The following LDB1 variants were observed in gnomAD, a reference collection of about 807,000 sequenced individuals.
The protein encoded by LDB1 is LIM domain-binding protein 1.
Under a neutral mutation model 49.7 loss-of-function variants are expected in LDB1, and 6 were observed. That is an observed-to-expected ratio of 0.12 (90% CI 0.07 to 0.24). The LOEUF (loss-of-function observed/expected upper bound fraction) is 0.24. Among genes scored for constraint, LDB1 ranks in the 10% least tolerant of loss-of-function variants. The pLI is 1.00. For missense variants in LDB1, 341 were observed against 561.7 expected (o/e 0.61, Z 3.97); for synonymous variants, 233 against 202.0 (o/e 1.15, Z -1.30).
chr10:102,119,252 C>A (rs529607359), intron 1 of LDB1, among the ~76,000 whole-genome samples: 1 of 152,084 alleles, frequency 6.6e-6, no homozygotes, highest in Non-Finnish European at 1.5e-5. Flanking sequence ...CCTCTCCAGT[C>A]GCATGGCTTC....
chr10:102,104,446 G>A (rs2068139374), downstream of LDB1, among the ~76,000 whole-genome samples: 1 of 152,108 alleles, frequency 6.6e-6, no homozygotes, highest in Admixed American at 6.5e-5. Flanking sequence ...CTTCAGCAAT[G>A]TGCTAAGGCT....
rs1564913458 is a variant in LDB1, at chr10:102,111,427, CACTT to C, written c.128+3_128+6del. The C allele has an allele frequency of 6.3e-7, 1 of 1,594,232 alleles. No individual in the cohort carries two copies. Among genetic ancestry groups the C allele is most frequent in the Non-Finnish European group, 8.6e-7 (1 of 1,167,852 alleles). On this transcript the variant is annotated splice_donor_5th_base_variant and intron_variant, in intron 2 of 10. Transcript: ENST00000673968. The stretch of plus-strand genomic sequence containing the variant: ...AGGGTTAGGAAGTGGCCAAGAGACT[CACTT>C]ACCCCACATCCCTATCCAGCATGGT...
rs773830263 is a variant in LDB1, at chr10:102,110,945, T to G, written c.276A>C (p.Ala92=). 2 of 1,614,128 alleles carry G rather than the reference T, an allele frequency of 1.2e-6. No homozygotes were observed. The highest frequency in any genetic ancestry group is 8.5e-7 in the Non-Finnish European group (1 of 1,179,984). The change falls in exon 5 of 11, where the codon GCA becomes GCC. Residue 92 remains alanine, a synonymous_variant. Coordinates refer to ENST00000673968, the MANE Select transcript of LDB1 (RefSeq NM_001113407.3). The part of the protein sequence containing the change: ...TEECDNLWWD[A]FTTEFFEDDA... ...CATCCTCAAAGAACTCAGTCGTGAA[T>G]GCATCCCACCAGAGATTGTCACACT...
chr10:102,111,607 C>A, intron 1 of LDB1, 71 bp from the exon 2 acceptor site: 1 of 871,204 alleles, frequency 1.1e-6, no homozygotes, highest in East Asian at 2.7e-5. Context: ...TTTGGGAGTC[C>A]AAGGCAAGAA....
intron 1 of LDB1, among the ~76,000 whole-genome samples, chr10:102,112,594 G>A (rs2068271307): frequency 6.7e-6 from 1 of 148,924 alleles, no homozygotes; most frequent in African/African-American, 2.5e-5. Flanking sequence ...TATCAGCCCA[G>A]CCCCCACCCC....
Position 102,109,837 on chromosome 10 carries a change from A to T in LDB1, c.648+84T>A. On this transcript the variant is annotated intron_variant, in intron 7 of 10. Coordinates refer to ENST00000673968, the MANE Select transcript of LDB1 (RefSeq NM_001113407.3). The surrounding 1 kb of genome is among the most constrained non-coding windows in gnomAD (Gnocchi z 5.8). The stretch of plus-strand genomic sequence containing the variant: ...AGAAACCCTAACCCTCTGTCTAAGT[A>T]GTCAGTCGGGAAATGGCAGACCTTG... 6.3e-7 allele frequency: 1 copy of T among 1,574,888 alleles called. No homozygotes were observed. Among genetic ancestry groups the T allele is most frequent in the Non-Finnish European group, 8.7e-7 (1 of 1,155,266 alleles).
At position 102,106,541 on chromosome 10, in the gene LDB1, C is replaced by CAAAAAAAAAAAAAAA. The variant is rs558516308; in HGVS notation, c.*1537_*1551dup. Among the ~76,000 whole-genome samples, 2 of 17,784 alleles carry CAAAAAAAAAAAAAAA rather than the reference C, an allele frequency of 1.1e-4. 1 individual carries two copies. Among genetic ancestry groups the CAAAAAAAAAAAAAAA allele is most frequent in the Non-Finnish European group, 2.1e-4 (2 of 9,522 alleles). 11.7% of individuals were successfully genotyped at this position (17,784 alleles called of 152,430 possible). ...GGTACCATACATGACTCAAATGGCCCAAAAAAAAAAAAAAAAAAAAAAAAA... is the reference window on the plus strand; with the variant it reads ...GGTACCATACATGACTCAAATGGCCCAAAAAAAAAAAAAAAAAAAAAAAAAAAAAAAAAAAAAAAA... On this transcript the variant is annotated 3_prime_UTR_variant, in exon 11 of 11. Coordinates refer to ENST00000673968, the MANE Select transcript of LDB1 (RefSeq NM_001113407.3).
Position 102,110,655 on chromosome 10 carries a change from C to A in LDB1, c.399G>T (p.Glu133Asp), listed in dbSNP as rs199713070. Residue 133 changes from glutamate to aspartate, a missense_variant, in exon 6 of 11, where the codon GAG becomes GAT. This residue lies in a region of LDB1 where 233 missense variants were observed against 385.7 expected (regional missense o/e 0.60). Coordinates refer to ENST00000673968, the MANE Select transcript of LDB1 (RefSeq NM_001113407.3). ...CATAGTACAGCTCCGTAGCACCCCC[C>A]TCAAAGATGCTGCGGAAGTAGCGTG... ...LIPRYFRSIF[E>D]GGATELYYVL... 3.3e-4 allele frequency: 537 copies of A among 1,613,894 alleles called. 8 individuals are homozygous for A. In the South Asian group the frequency reaches 5.3e-3, roughly 16 times the overall value.
downstream of LDB1, among the ~76,000 whole-genome samples, chr10:102,104,100 G>A (rs1405365035): frequency 6.6e-6 from 1 of 151,850 alleles, no homozygotes; most frequent in East Asian, 1.9e-4. Flanking sequence ...CTGGGCTAAG[G>A]GTATAAAAGA....
chr10:102,107,569 T>TA lies in LDB1; in HGVS notation c.*523dup, dbSNP rs2068181198. 1 of 153,570 alleles carries TA rather than the reference T, an allele frequency of 6.5e-6. No individual in the cohort carries two copies. Among genetic ancestry groups the TA allele is most frequent in the Non-Finnish European group, 1.4e-5 (1 of 69,026 alleles). 9.5% of individuals were successfully genotyped at this position (153,570 alleles called of 1,614,324 possible). A position where few individuals can be genotyped will look rare whatever the true frequency, so the allele number is the denominator to read the frequency against. On this transcript the variant is annotated 3_prime_UTR_variant, in exon 11 of 11. Coordinates refer to ENST00000673968, the MANE Select transcript of LDB1 (RefSeq NM_001113407.3). ...GGGGGGACATGAGTGATTTTTTTTTTAACTTACATTTTTAATAATATTATT... is the reference window on the plus strand; with the variant it reads ...GGGGGGACATGAGTGATTTTTTTTTTAAACTTACATTTTTAATAATATTATT...
At chr10:102,114,812 G>GGGGGCCCCCCCC in intron 1 of LDB1, 242 of 929,654 alleles carry the variant, frequency 2.6e-4, no homozygotes, top group Non-Finnish European at 2.8e-4. Flanking sequence ...CCTCCGAGCA[G>GGGGGCCCCCCCC]CCCGCCCGCC....
intron 5 of LDB1, 24 bp from the exon 6 acceptor site, chr10:102,110,725 C>T (rs1219207319): frequency 2.5e-6 from 4 of 1,606,966 alleles, no homozygotes; most frequent in Non-Finnish European, 3.4e-6. Context: ...ACAAACTCTT[C>T]AGGACAAAGG....
In LDB1 at chr10:102,108,207, G is replaced by C; in HGVS notation, c.1122C>G (p.Asp374Glu). The C allele has an allele frequency of 6.2e-7, 1 of 1,614,022 alleles. No homozygotes were observed. The highest frequency in any genetic ancestry group is 8.5e-7 in the Non-Finnish European group (1 of 1,179,946). Reference sequence around the variant, plus strand: ...CAGGGGAGTTGTTAAAGCTGTCCTCGTCGTCAATGCCGTTGGCTGCGTCAA... The same window carrying C: ...CAGGGGAGTTGTTAAAGCTGTCCTCCTCGTCAATGCCGTTGGCTGCGTCAA... ...TQFDAANGIDDEDSFNNSPAL... is the reference protein window; with the variant it reads ...TQFDAANGIDEEDSFNNSPAL... The change falls in exon 11 of 11, where the codon GAC becomes GAG. Residue 374 changes from aspartate to glutamate, a missense_variant. Asp to Glu is a conservative substitution (Grantham distance 45). Coordinates refer to ENST00000673968, the MANE Select transcript of LDB1 (RefSeq NM_001113407.3).
chr10:102,102,932 G>A (rs2068130523), downstream of LDB1, among the ~76,000 whole-genome samples: 1 of 152,162 alleles, frequency 6.6e-6, no homozygotes, highest in African/African-American at 2.4e-5. Flanking sequence ...CTGCCAAGTA[G>A]CTGGGACTAT....
At chr10:102,108,952 G>A in intron 10 of LDB1, 77 bp downstream of exon 10, 1 of 1,579,886 alleles carries the variant, frequency 6.3e-7, no homozygotes, top group South Asian at 1.1e-5. Flanking sequence ...ACGCCTGCTA[G>A]TGAGCTCAGG....
chr10:102,106,396 G>A (rs2133493737), downstream of LDB1, among the ~76,000 whole-genome samples: 2 of 151,624 alleles, frequency 1.3e-5, no homozygotes, highest in South Asian at 4.2e-4. Context: ...TGAGTGAAGG[G>A]ATCCAATTCA....
chr10:102,106,354 A>T (rs1007365245), downstream of LDB1, among the ~76,000 whole-genome samples: 21 of 151,766 alleles, frequency 1.4e-4, no homozygotes, highest in Non-Finnish European at 2.5e-4. Flanking sequence ...TAATTCAGGG[A>T]AACAACTTCA....
intron 1 of LDB1, among the ~76,000 whole-genome samples, chr10:102,112,730 C>T (rs1018834377): frequency 6.6e-6 from 1 of 152,090 alleles, no homozygotes; most frequent in Admixed American, 6.5e-5. Context: ...ACTCTACCTA[C>T]AATTGAGAAG....
Position 102,108,210 on chromosome 10 carries a change from G to A in LDB1, c.1119C>T (p.Asp373=), listed in dbSNP as rs771823736. Reference sequence around the variant, plus strand: ...GGGAGTTGTTAAAGCTGTCCTCGTCGTCAATGCCGTTGGCTGCGTCAAACT... The same window carrying A: ...GGGAGTTGTTAAAGCTGTCCTCGTCATCAATGCCGTTGGCTGCGTCAAACT... ...NTQFDAANGI[D]DEDSFNNSPA... Residue 373 remains aspartate (D), a synonymous_variant, in exon 11 of 11, where the codon GAC becomes GAT. Transcript: ENST00000673968. The A allele has an allele frequency of 2.8e-5, 45 of 1,613,924 alleles. No homozygotes were observed. The highest frequency in any genetic ancestry group is 3.3e-5 in the South Asian group (3 of 91,090).
Sources: allele counts gnomAD v4.1 joint callset (sites outside exome capture counted in the v4.1 genomes callset), GRCh38; gene constraint gnomAD v4.1.1; regional missense constraint gnomAD v4.1.1; non-coding constraint Gnocchi (gnomAD v3.1); transcripts MANE v1.5; gene names NCBI Gene and HGNC (gene_info 2026-07-23, HGNC 2026-07-21).